Variants in TYW1B observed in about 807,000 individuals in gnomAD.
TYW1B encodes S-adenosyl-L-methionine-dependent tRNA 4-demethylwyosine synthase TYW1B.
In TYW1B, 73 loss-of-function variants were observed where a neutral mutation model predicts 86.9. The ratio of observed to expected loss-of-function variants is 0.84; its 90% CI spans 0.70 to 1.02. The LOEUF (loss-of-function observed/expected upper bound fraction) is 1.02. Ranked by LOEUF, TYW1B falls within the 50% of genes least tolerant of loss-of-function variation. The pLI, the probability that TYW1B is intolerant of heterozygous loss-of-function variation, is 0.00. For missense variants in TYW1B, 637 were observed against 827.4 expected (o/e 0.77, Z 2.82); for synonymous variants, 248 against 292.8 (o/e 0.85, Z 1.56).
intron 11 of TYW1B, among the ~76,000 whole-genome samples, chr7:72,672,028 G>T (rs10216327): frequency 0.015 from 2,045 of 140,882 alleles, 39 homozygotes; most frequent in African/African-American, 0.051. Context: ...GTTGTGGGGG[G>T]ACCTGGTAGG....
intron 6 of TYW1B, among the ~76,000 whole-genome samples, chr7:72,788,997 ACT>A (rs1392674597): frequency 2.0e-5 from 3 of 151,428 alleles, no homozygotes; most frequent in African/African-American, 7.3e-5. Flanking sequence ...CGCCCAGCTA[ACT>A]TTTTATGTTT....
chr7:72,683,981 C>T (rs1436380828), intron 11 of TYW1B, among the ~76,000 whole-genome samples: 4 of 151,976 alleles, frequency 2.6e-5, no homozygotes, highest in Non-Finnish European at 4.4e-5. Context: ...TGGCTGAGGA[C>T]GAAATCTCTG....
chr7:72,632,151 G>C (rs1812506750), intron 11 of TYW1B, among the ~76,000 whole-genome samples: 1 of 149,600 alleles, frequency 6.7e-6, no homozygotes, highest in African/African-American at 2.5e-5. Flanking sequence ...ACAATAGCCG[G>C]GCATGGCTGA....
chr7:72,730,290 T>G (rs1787079526), intron 8 of TYW1B, among the ~76,000 whole-genome samples: 1 of 150,506 alleles, frequency 6.6e-6, no homozygotes, highest in Non-Finnish European at 1.5e-5. Context: ...TTAAGGAAAC[T>G]CAAGAGAGAT....
chr7:72,627,988 C>G (rs1812389404), intron 12 of TYW1B, among the ~76,000 whole-genome samples: 1 of 152,132 alleles, frequency 6.6e-6, no homozygotes, highest in Non-Finnish European at 1.5e-5. Context: ...CTCTGAATAA[C>G]TGTTTCGAAA....
intron 7 of TYW1B, among the ~76,000 whole-genome samples, chr7:72,767,171 A>C (rs1272264386): frequency 1.3e-5 from 2 of 152,144 alleles, no homozygotes; most frequent in African/African-American, 4.8e-5. Context: ...CCTTACACAA[A>C]AAAATGCTTC....
At chr7:72,744,696 G>C (rs1249475733) in intron 7 of TYW1B, 95 bp from the exon 8 acceptor site, 30 of 1,338,006 alleles carry the variant, frequency 2.2e-5, no homozygotes, top group Non-Finnish European at 2.7e-5. Context: ...CATGTGTTTC[G>C]TAACCATGAA....
chr7:72,620,502 C>T (rs141951109), intron 12 of TYW1B, among the ~76,000 whole-genome samples: 1,877 of 152,248 alleles, frequency 0.012, 25 homozygotes, highest in African/African-American at 0.04. Flanking sequence ...TGCACCGTGA[C>T]AGAAATGCTC....
chr7:72,827,721 CA>C (rs1788963139), intron 1 of TYW1B, among the ~76,000 whole-genome samples: 1 of 151,884 alleles, frequency 6.6e-6, no homozygotes, highest in Non-Finnish European at 1.5e-5. Context: ...CCTTACGTCT[CA>C]TTTTTTTTTT....
intron 13 of TYW1B, among the ~76,000 whole-genome samples, chr7:72,613,484 T>G (rs1352173606): frequency 8.0e-5 from 11 of 138,330 alleles, no homozygotes; most frequent in African/African-American, 3.0e-4. Flanking sequence ...CTTGACTCAC[T>G]GCAACCTCCA....
intron 13 of TYW1B, among the ~76,000 whole-genome samples, chr7:72,578,258 C>T (rs1175124242): frequency 2.1e-4 from 32 of 151,936 alleles, no homozygotes; most frequent in African/African-American, 7.0e-4. Flanking sequence ...GGACTACAGG[C>T]GACCACCACC....
intron 8 of TYW1B, among the ~76,000 whole-genome samples, chr7:72,733,072 T>C (rs1262264379): frequency 6.6e-6 from 1 of 151,594 alleles, no homozygotes; most frequent in Non-Finnish European, 1.5e-5. Context: ...GAACAGATCA[T>C]TAACAAGATT....
At chr7:72,825,560 A>T (rs1788915162) in intron 2 of TYW1B, among the ~76,000 whole-genome samples, 1 of 152,054 alleles carries the variant, frequency 6.6e-6, no homozygotes, top group South Asian at 2.1e-4. Context: ...GGCACCTATA[A>T]TCCCAGCTAC....
chr7:72,805,071 T>C (rs1464207156), intron 5 of TYW1B, among the ~76,000 whole-genome samples: 1 of 152,042 alleles, frequency 6.6e-6, no homozygotes, highest in Non-Finnish European at 1.5e-5. Context: ...CATATACTCA[T>C]GGTAGCCAGT....
At chr7:72,710,370 C>T (rs1554454465) in intron 10 of TYW1B, among the ~76,000 whole-genome samples, 1 of 152,168 alleles carries the variant, frequency 6.6e-6, no homozygotes, top group African/African-American at 2.4e-5. Flanking sequence ...GAAATGGCAA[C>T]CCTATGTAAA....
chr7:72,675,635 A>C (rs1241734274), intron 11 of TYW1B, among the ~76,000 whole-genome samples: 2 of 151,342 alleles, frequency 1.3e-5, no homozygotes, highest in Non-Finnish European at 2.9e-5. Flanking sequence ...CACACATACT[A>C]ATATATGGTA....
At chr7:72,578,588 G>C (rs1300032933) in intron 13 of TYW1B, among the ~76,000 whole-genome samples, 1 of 152,184 alleles carries the variant, frequency 6.6e-6, no homozygotes, top group African/African-American at 2.4e-5. Context: ...GACTGAGCCT[G>C]GGGTGACTGA....
At chr7:72,777,334 T>C in intron 7 of TYW1B, 82 bp downstream of exon 7, 4 of 1,515,004 alleles carry the variant, frequency 2.6e-6, no homozygotes, top group Non-Finnish European at 3.6e-6. Context: ...GCTGAGCTAA[T>C]TAGAGAGAGA....
chr7:72,640,838 G>A (rs1443741096), intron 11 of TYW1B, among the ~76,000 whole-genome samples: 1 of 151,942 alleles, frequency 6.6e-6, no homozygotes, highest in Non-Finnish European at 1.5e-5. Flanking sequence ...ACATATGAAC[G>A]ACATGATTAA....
Sources: gnomAD v4.1 joint callset for allele counts (sites outside exome capture counted in the v4.1 genomes callset) on GRCh38, gnomAD v4.1.1 for gene constraint, MANE v1.5 for transcripts, NCBI Gene and HGNC (gene_info 2026-07-23, HGNC 2026-07-21) for gene names.